GRM7: variants seen among roughly 807,000 people sequenced by gnomAD.
The protein encoded by GRM7 is glutamate metabotropic receptor 7.
Under a neutral mutation model 84.5 loss-of-function variants are expected in GRM7, and 35 were observed. The ratio of observed to expected loss-of-function variants is 0.41; its 90% CI spans 0.32 to 0.55. The LOEUF (loss-of-function observed/expected upper bound fraction) is 0.55, where lower values mean the gene tolerates loss of function less well. GRM7 is among the 20% of genes least tolerant of loss of function. The pLI is 0.19. For synonymous variants in GRM7, 487 were observed against 455.1 expected (o/e 1.07, Z -0.89); for missense variants, 1,003 against 1,194.6 (o/e 0.84, Z 2.36).
At chr3:7,124,789 A>T (rs1693343050) in intron 1 of GRM7, among the ~76,000 whole-genome samples, 2 of 152,330 alleles carry the variant, frequency 1.3e-5, no homozygotes, top group African/African-American at 2.4e-5. Flanking sequence ...CAAGAAAGGG[A>T]TATCATGAAA....
chr3:7,392,037 G>T (rs181541985), intron 4 of GRM7, among the ~76,000 whole-genome samples: 1 of 152,152 alleles, frequency 6.6e-6, no homozygotes, highest in South Asian at 2.1e-4. Flanking sequence ...AGTAGCTGGT[G>T]CAGTTTCACG....
At chr3:6,976,220 C>A (rs1011484093) in intron 1 of GRM7, among the ~76,000 whole-genome samples, 1 of 152,074 alleles carries the variant, frequency 6.6e-6, no homozygotes, top group Middle Eastern at 3.2e-3. Context: ...TCTCCTTAAC[C>A]AAATTATGAT....
At chr3:7,640,521 C>T (rs1387310585) in intron 8 of GRM7, among the ~76,000 whole-genome samples, 1 of 152,044 alleles carries the variant, frequency 6.6e-6, no homozygotes, top group Non-Finnish European at 1.5e-5. Context: ...ACTTGTTCTC[C>T]AATAATAATG....
intron 1 of GRM7, among the ~76,000 whole-genome samples, chr3:6,923,314 C>T (rs1364751927): frequency 4.4e-5 from 5 of 114,092 alleles, no homozygotes. Context: ...CACGCCCAGC[C>T]CACACGAACA....
intron 2 of GRM7, among the ~76,000 whole-genome samples, chr3:7,213,621 CG>C (rs1696503608): frequency 6.6e-6 from 1 of 152,082 alleles, no homozygotes; most frequent in Non-Finnish European, 1.5e-5. Context: ...GAGGGAATGG[CG>C]GGAACAGGAG....
At chr3:7,545,908 G>C (rs1044540266) in intron 7 of GRM7, among the ~76,000 whole-genome samples, 7 of 152,104 alleles carry the variant, frequency 4.6e-5, no homozygotes, top group Admixed American at 2.6e-4. Context: ...AGACACTCAG[G>C]CTAGTCAATT....
intron 8 of GRM7, among the ~76,000 whole-genome samples, chr3:7,581,578 T>C (rs1201607009): frequency 6.6e-6 from 1 of 152,130 alleles, no homozygotes; most frequent in African/African-American, 2.4e-5. Context: ...TGGCCAATTA[T>C]CAAATGTAAC....
chr3:7,378,139 T>A (rs553235712), intron 4 of GRM7, among the ~76,000 whole-genome samples: 12 of 152,292 alleles, frequency 7.9e-5, no homozygotes, highest in African/African-American at 2.9e-4. Flanking sequence ...GGTGACTCGG[T>A]GTGGGATGGC....
In GRM7 at chr3:6,954,584, G is replaced by T. The variant is rs530297202; in HGVS notation, c.519+92677G>T. 2.6e-5 allele frequency among the ~76,000 whole-genome samples: 4 copies of T among 152,170 alleles called. No individual in the cohort carries two copies. In the South Asian group the frequency reaches 8.3e-4, roughly 32 times the overall value. On this transcript the variant is annotated intron_variant, in intron 1 of 9. Coordinates refer to ENST00000357716, the MANE Select transcript of GRM7 (RefSeq NM_000844.4). Reference sequence around the variant, plus strand: ...ATAAACAACTTTGGTTCTGAATTCTGAAATCAAGGCCCAGCTTGAATTACT... The same window carrying T: ...ATAAACAACTTTGGTTCTGAATTCTTAAATCAAGGCCCAGCTTGAATTACT...
chr3:6,921,862 C>G (rs1193920310), intron 1 of GRM7, among the ~76,000 whole-genome samples: 1 of 152,138 alleles, frequency 6.6e-6, no homozygotes, highest in Non-Finnish European at 1.5e-5. Context: ...GAACACAGGA[C>G]AAGCCTAAGC....
At chr3:7,612,416 C>T (rs1355981261) in intron 8 of GRM7, among the ~76,000 whole-genome samples, 1 of 152,094 alleles carries the variant, frequency 6.6e-6, no homozygotes, top group East Asian at 1.9e-4. Flanking sequence ...AAGATGAGTC[C>T]CTGCCTTTGA....
chr3:7,329,572 GA>G (rs1341591766), intron 4 of GRM7, among the ~76,000 whole-genome samples: 2 of 152,086 alleles, frequency 1.3e-5, no homozygotes, highest in African/African-American at 4.8e-5. Context: ...TGGAATTTCT[GA>G]AAGAGTGATA....
At chr3:7,651,369 A>G (rs1698930957) in intron 8 of GRM7, among the ~76,000 whole-genome samples, 1 of 152,202 alleles carries the variant, frequency 6.6e-6, no homozygotes, top group Non-Finnish European at 1.5e-5. Flanking sequence ...CTGCCAGTTC[A>G]TTTGTTTGCA....
chr3:7,712,357 G>A lies in GRM7; in HGVS notation c.2699-28000G>A, dbSNP rs1309316792. On this transcript the variant is annotated intron_variant, in intron 9 of 9. Transcript: ENST00000357716. ...TAGGACTGTGCTGGGGCTCTGACCT[G>A]GTGGCATCCTCAGCTGCACCCAGCC... is the stretch of plus-strand genomic sequence containing the variant. 2.0e-5 allele frequency among the ~76,000 whole-genome samples: 3 copies of A among 152,054 alleles called. No individual in the cohort carries two copies. In the East Asian group the frequency reaches 5.8e-4, roughly 29 times the overall value.
At chr3:7,649,606 C>A (rs183580370) in intron 8 of GRM7, among the ~76,000 whole-genome samples, 1 of 152,022 alleles carries the variant, frequency 6.6e-6, no homozygotes, top group African/African-American at 2.4e-5. Context: ...ACACATACCC[C>A]CTTGCTAACT....
At chr3:7,443,477 A>T (rs1325193479) in intron 5 of GRM7, among the ~76,000 whole-genome samples, 1 of 151,710 alleles carries the variant, frequency 6.6e-6, no homozygotes, top group Non-Finnish European at 1.5e-5. Flanking sequence ...CCTTTATTTG[A>T]TATGTTTCTC....
intron 2 of GRM7, among the ~76,000 whole-genome samples, chr3:7,223,979 G>C (rs1696895446): frequency 6.6e-6 from 1 of 152,190 alleles, no homozygotes; most frequent in African/African-American, 2.4e-5. Context: ...GCTCTTATCT[G>C]TTGACTAAGG....
chr3:7,044,802 G>A (rs1696743605), intron 1 of GRM7, among the ~76,000 whole-genome samples: 1 of 152,112 alleles, frequency 6.6e-6, no homozygotes, highest in South Asian at 2.1e-4. Context: ...TTCTCAGAGT[G>A]AACTTCACCT....
chr3:7,187,200 A>AACAC (rs5846494), intron 2 of GRM7, among the ~76,000 whole-genome samples: 71 of 150,652 alleles, frequency 4.7e-4, no homozygotes, highest in South Asian at 6.3e-4. Context: ...AGGAAGTGAG[A>AACAC]ACACACACAC....
Sources: allele counts gnomAD v4.1 joint callset (sites outside exome capture counted in the v4.1 genomes callset), GRCh38; gene constraint gnomAD v4.1.1; transcripts MANE v1.5; gene names NCBI Gene and HGNC (gene_info 2026-07-23, HGNC 2026-07-21).